The following CACNA1A variants were observed in gnomAD, a reference collection of about 807,000 sequenced individuals.
CACNA1A encodes the protein voltage-dependent P/Q-type calcium channel subunit alpha-1A.
Under a neutral mutation model 262.4 loss-of-function variants are expected in CACNA1A, and 57 were observed. The observed-to-expected ratio is 0.22, with a 90% CI of 0.18 to 0.27. The LOEUF is 0.27. Among genes scored for constraint, CACNA1A ranks in the 10% least tolerant of loss-of-function variants. The probability of loss-of-function intolerance (pLI) is 1.00; values close to 1 mark genes in which losing one functional copy is unlikely to be tolerated. For synonymous variants in CACNA1A, 1,431 were observed against 1,419.3 expected (o/e 1.01, Z -0.18); for missense variants, 2,526 against 3,562.8 (o/e 0.71, Z 7.41).
At chr19:13,347,987 C>T (rs532761574) in intron 6 of CACNA1A, among the ~76,000 whole-genome samples, 46 of 152,098 alleles carry the variant, frequency 3.0e-4, no homozygotes, top group Non-Finnish European at 5.3e-4. Context: ...GGGGTGTAAT[C>T]ACAGCTCGGT....
rs766402500 is a variant in CACNA1A at position 13,227,545 on chromosome 19, GA to G, written c.5529-19del. ...TGCGGCCCCTGGCAGCACCGAAAAT[GA>G]AAAAAACAAAAACAAAAACAAAAAA... On this transcript the variant is annotated intron_variant, in intron 36 of 46. Coordinates refer to ENST00000360228, the MANE Select transcript of CACNA1A (RefSeq NM_001127222.2). 3 of 1,482,392 alleles carry G rather than the reference GA, an allele frequency of 2.0e-6. No individual in the cohort carries two copies. In the African/African-American group the frequency reaches 4.3e-5, roughly 21 times the overall value. The allele number at this position is 1,482,392 out of a possible 1,614,324, so 91.8% of individuals were successfully genotyped here. A position where few individuals can be genotyped will look rare whatever the true frequency, so the allele number is the denominator to read the frequency against.
intron 1 of CACNA1A, among the ~76,000 whole-genome samples, chr19:13,493,031 G>A (rs947868644): frequency 1.3e-5 from 2 of 152,154 alleles, no homozygotes; most frequent in Admixed American, 1.3e-4. Context: ...GGCAACAGAA[G>A]GGGAAGGAGA....
In CACNA1A at chr19:13,285,952, A is replaced by T. The variant is rs567533837; in HGVS notation, c.3553+551T>A. 2.8e-3 allele frequency among the ~76,000 whole-genome samples: 265 copies of T among 95,810 alleles called. 1 individual carries two copies. The highest frequency in any genetic ancestry group is 5.0e-3 in the Admixed American group (39 of 7,726). 62.9% of individuals were successfully genotyped at this position (95,810 alleles called of 152,430 possible). On this transcript the variant is annotated intron_variant, in intron 20 of 46. Transcript: ENST00000360228. Reference sequence around the variant, plus strand: ...GACATAATCCACCCAGCAGTTCACCATTTTTTTTTTTTTTTTTTTTTTTTG... The same window carrying T: ...GACATAATCCACCCAGCAGTTCACCTTTTTTTTTTTTTTTTTTTTTTTTTG...
At chr19:13,228,331 G>A (rs551171294) in intron 36 of CACNA1A, among the ~76,000 whole-genome samples, 104 of 151,922 alleles carry the variant, frequency 6.8e-4, no homozygotes, top group Non-Finnish European at 1.2e-3. Context: ...GCTTTGGGAG[G>A]TGAGGGGTGG....
chr19:13,312,677 CA>C lies in CACNA1A; in HGVS notation c.1659del (p.Phe553LeufsTer18). ...RPYFHSSFNC[F>X]DCGVIIGSIF... ...GAAACAAGAGCACTTACCCCACAGTCAAAGCAGTTGAAGGAAGAGTGGAAGT... is the reference window on the plus strand; with the variant it reads ...GAAACAAGAGCACTTACCCCACAGTCAAGCAGTTGAAGGAAGAGTGGAAGT... On this transcript the variant is annotated frameshift_variant, in exon 12 of 47. Transcript: ENST00000360228. LOFTEE classifies it high-confidence loss of function. The C allele has an allele frequency of 1.3e-6, 2 of 1,579,906 alleles. No individual in the cohort carries two copies. The highest frequency in any genetic ancestry group is 1.8e-5 in the Admixed American group (1 of 54,932).
At chr19:13,334,127 G>C in intron 8 of CACNA1A, 1 of 462,860 alleles carries the variant, frequency 2.2e-6, no homozygotes, top group African/African-American at 1.9e-5. Flanking sequence ...GTAAAAAGTG[G>C]CAGGGCCGGG....
intron 11 of CACNA1A, 74 bp from the exon 12 acceptor site, chr19:13,312,855 T>G (rs2058059878): frequency 1.4e-6 from 1 of 692,016 alleles, no homozygotes; most frequent in Admixed American, 3.3e-5. Context: ...GCTCTGACTT[T>G]CCTTTTATTA....
At chr19:13,463,747 T>C (rs2061168661) in intron 1 of CACNA1A, among the ~76,000 whole-genome samples, 1 of 152,220 alleles carries the variant, frequency 6.6e-6, no homozygotes, top group Non-Finnish European at 1.5e-5. Context: ...TTTCATATTA[T>C]CCAACAATGT....
At chr19:13,468,381 A>G (rs1253197349) in intron 1 of CACNA1A, among the ~76,000 whole-genome samples, 1 of 152,124 alleles carries the variant, frequency 6.6e-6, no homozygotes, top group Non-Finnish European at 1.5e-5. Context: ...TCACTCTACC[A>G]AGGGGGAATC....
At chr19:13,307,229 G>GTT (rs1000301253) in intron 15 of CACNA1A, 2 of 148,894 alleles carry the variant, frequency 1.3e-5, no homozygotes, top group African/African-American at 2.5e-5. Flanking sequence ...TCCCAAAGTG[G>GTT]TTTTTTTTTT....
intron 3 of CACNA1A, among the ~76,000 whole-genome samples, chr19:13,411,479 A>G (rs1196792684): frequency 2.0e-5 from 3 of 152,206 alleles, no homozygotes; most frequent in Non-Finnish European, 4.4e-5. Flanking sequence ...GCCTGCTGCC[A>G]TGTAAGACAT....
intron 44 of CACNA1A, 53 bp from the exon 45 acceptor site, chr19:13,209,551 TC>T: frequency 7.3e-6 from 9 of 1,225,590 alleles, no homozygotes; most frequent in Non-Finnish European, 8.3e-6. Flanking sequence ...CACCAAGTGG[TC>T]CCGGTCCTTC....
At chr19:13,326,324 G>GA (rs2058361731) in intron 10 of CACNA1A, among the ~76,000 whole-genome samples, 4 of 143,738 alleles carry the variant, frequency 2.8e-5, no homozygotes, top group African/African-American at 8.3e-5. Context: ...CAAAAAAAAA[G>GA]AAAAAAAAGA....
chr19:13,245,493 G>A (rs369117135), intron 30 of CACNA1A: 3 of 552,690 alleles, frequency 5.4e-6, no homozygotes, highest in Non-Finnish European at 9.8e-6. Flanking sequence ...CCCAGAGGGG[G>A]CCTCCAGACC....
Position 13,207,594 on chromosome 19 carries a change from C to G in CACNA1A, c.7240G>C (p.Asp2414His). 6.7e-7 allele frequency: 1 copy of G among 1,481,740 alleles called. No individual in the cohort carries two copies. Among genetic ancestry groups the G allele is most frequent in the Non-Finnish European group, 9.0e-7 (1 of 1,116,400 alleles). 91.8% of individuals were successfully genotyped at this position (1,481,740 alleles called of 1,614,324 possible). ...PRHHGYYRGS[D>H]YDEADGPGSG... is the part of the protein sequence containing the mutation. ...CCCGGGCCATCGGCCTCGTCGTAGT[C>G]GGAGCCCCGGTAGTAGCCATGGTGC... The change falls in exon 47 of 47, where the codon GAC becomes CAC. Residue 2414 changes from aspartate to histidine, a missense_variant. Coordinates refer to ENST00000360228, the MANE Select transcript of CACNA1A (RefSeq NM_001127222.2). The surrounding 1 kb of genome is among the most constrained non-coding windows in gnomAD (Gnocchi z 5.7).
chr19:13,262,108 T>C (rs962693994), intron 25 of CACNA1A: 2 of 159,888 alleles, frequency 1.3e-5, no homozygotes, highest in Admixed American at 6.0e-5. Context: ...AGTCTAACTA[T>C]GTTGCCCAGG....
chr19:13,209,031 C>G, intron 45 of CACNA1A, 22 bp from the exon 46 acceptor site: 2 of 1,536,822 alleles, frequency 1.3e-6, no homozygotes, highest in Non-Finnish European at 1.7e-6. Context: ...GAGGGTCAGA[C>G]AGACACACAG....
chr19:13,356,222 G>A (rs12985786), intron 6 of CACNA1A, among the ~76,000 whole-genome samples: 4,242 of 152,286 alleles, frequency 0.028, 86 homozygotes, highest in Middle Eastern at 0.065. Context: ...ATGCAGGGTG[G>A]GGAATTTGAC....
At chr19:13,248,432 A>G (rs922859918) in intron 30 of CACNA1A, among the ~76,000 whole-genome samples, 5 of 150,694 alleles carry the variant, frequency 3.3e-5, no homozygotes, top group Non-Finnish European at 5.9e-5. Context: ...AAAAAAAAAA[A>G]AGAGAAAGCA....
Sources: allele counts gnomAD v4.1 joint callset (sites outside exome capture counted in the v4.1 genomes callset), GRCh38; gene constraint gnomAD v4.1.1; non-coding constraint Gnocchi (gnomAD v3.1); transcripts MANE v1.5; gene names NCBI Gene and HGNC (gene_info 2026-07-23, HGNC 2026-07-21).